Variants in PTPRK observed in about 807,000 individuals in gnomAD.
PTPRK encodes the protein protein tyrosine phosphatase receptor type K.
In PTPRK, 75 loss-of-function variants were observed where a neutral mutation model predicts 178.0. That is an observed-to-expected ratio of 0.42 (90% confidence interval 0.35 to 0.51). PTPRK has a LOEUF of 0.51. Ranked by LOEUF, PTPRK falls within the 20% of genes least tolerant of loss-of-function variation. PTPRK has a pLI of 0.02. For missense variants in PTPRK, 1,441 were observed against 1,797.8 expected (o/e 0.80, Z 3.59); for synonymous variants, 637 against 620.6 (o/e 1.03, Z -0.39).
chr6:128,046,426 T>C (rs973975723), intron 13 of PTPRK, among the ~76,000 whole-genome samples: 2 of 152,084 alleles, frequency 1.3e-5, no homozygotes, highest in African/African-American at 4.8e-5. Context: ...GCTAGCAGCT[T>C]TCCCCAGGCT....
At chr6:128,380,996 A>T (rs1483659241) in intron 2 of PTPRK, among the ~76,000 whole-genome samples, 2 of 152,216 alleles carry the variant, frequency 1.3e-5, no homozygotes, top group Non-Finnish European at 2.9e-5. Context: ...AGACAGTTTT[A>T]AACCCATTTT....
chr6:128,278,160 T>TTTA (rs1384208181), intron 3 of PTPRK, among the ~76,000 whole-genome samples: 1 of 150,206 alleles, frequency 6.7e-6, no homozygotes, highest in Non-Finnish European at 1.5e-5. Context: ...TATTTATTTA[T>TTTA]TTATTTATTT....
intron 1 of PTPRK, among the ~76,000 whole-genome samples, chr6:128,464,666 T>C (rs1378621127): frequency 7.8e-6 from 1 of 127,888 alleles, no homozygotes; most frequent in African/African-American, 3.0e-5. Context: ...TATATATATA[T>C]ATATATATAC....
intron 2 of PTPRK, among the ~76,000 whole-genome samples, chr6:128,338,345 A>G (rs1473424745): frequency 6.6e-6 from 1 of 152,182 alleles, no homozygotes; most frequent in Non-Finnish European, 1.5e-5. Context: ...TGCATAACAT[A>G]TACAAGAGAC....
At chr6:127,996,602 A>G (rs7749132) in intron 17 of PTPRK, among the ~76,000 whole-genome samples, 142,442 of 152,256 alleles carry the variant, frequency 0.94, 66,722 homozygotes, top group East Asian at 1. Flanking sequence ...ATCCTGATTA[A>G]CCAGGATTAC....
chr6:128,428,422 A>G (rs1844433942), intron 1 of PTPRK, among the ~76,000 whole-genome samples: 1 of 152,192 alleles, frequency 6.6e-6, no homozygotes, highest in Non-Finnish European at 1.5e-5. Flanking sequence ...TATTAAATGT[A>G]GACACTGTTC....
intron 2 of PTPRK, among the ~76,000 whole-genome samples, chr6:128,324,781 G>A (rs992486689): frequency 4.9e-4 from 74 of 152,098 alleles, no homozygotes; most frequent in African/African-American, 1.7e-3. Flanking sequence ...TTGATATAAC[G>A]GCAATTTACC....
Position 127,970,122 on chromosome 6 carries a change from C to A in PTPRK, c.*105G>T. The A allele has an allele frequency of 2.5e-6, 2 of 784,656 alleles. No individual in the cohort carries two copies. Among genetic ancestry groups the A allele is most frequent in the Non-Finnish European group, 4.0e-6 (2 of 502,040 alleles). 48.6% of individuals were successfully genotyped at this position (784,656 alleles called of 1,614,324 possible). On this transcript the variant is annotated 3_prime_UTR_variant, in exon 30 of 30. Coordinates refer to ENST00000368226, the MANE Select transcript of PTPRK (RefSeq NM_002844.4). ...CCTCTCAAATGTAAAAGTCTCCCACCCCCCACATTAAAATCTTTCTGCACA... is the reference window on the plus strand; with the variant it reads ...CCTCTCAAATGTAAAAGTCTCCCACACCCCACATTAAAATCTTTCTGCACA...
intron 2 of PTPRK, among the ~76,000 whole-genome samples, chr6:128,323,474 TG>T (rs1562284072): frequency 6.6e-6 from 1 of 152,154 alleles, no homozygotes. Flanking sequence ...GAGTTGCACT[TG>T]ACCCTTTCTT....
At chr6:128,411,839 G>T (rs1210024880) in intron 1 of PTPRK, among the ~76,000 whole-genome samples, 1 of 152,094 alleles carries the variant, frequency 6.6e-6, no homozygotes, top group African/African-American at 2.4e-5. Context: ...TAATATTTTG[G>T]TTTATATTTA....
chr6:128,123,626 T>G (rs2114411799), intron 7 of PTPRK, among the ~76,000 whole-genome samples: 1 of 152,304 alleles, frequency 6.6e-6, no homozygotes, highest in East Asian at 1.9e-4. Flanking sequence ...CTAAACTCAT[T>G]TTATTCAGAC....
At chr6:128,010,572 G>A (rs1311630194) in intron 13 of PTPRK, among the ~76,000 whole-genome samples, 1 of 151,190 alleles carries the variant, frequency 6.6e-6, no homozygotes, top group South Asian at 2.1e-4. Flanking sequence ...GCCAAAAGGA[G>A]ACTGTTGAGG....
At chr6:128,158,513 C>G (rs1319533047) in intron 7 of PTPRK, among the ~76,000 whole-genome samples, 1 of 151,854 alleles carries the variant, frequency 6.6e-6, no homozygotes, top group Non-Finnish European at 1.5e-5. Flanking sequence ...GGAAAGGGAA[C>G]AAGACACACA....
In PTPRK at chr6:128,089,727, C is replaced by A; in HGVS notation, c.1428G>T (p.Lys476Asn). 6.2e-7 allele frequency: 1 copy of A among 1,613,194 alleles called. No individual in the cohort carries two copies. The highest frequency in any genetic ancestry group is 8.5e-7 in the Non-Finnish European group (1 of 1,179,132). The change falls in exon 8 of 30, where the codon AAG (lysine) becomes AAT (asparagine). Residue 476 changes from lysine (K) to asparagine (N), a missense_variant. This residue lies in a region of PTPRK where 945 missense variants were observed against 1,080.6 expected (regional missense o/e 0.87). Coordinates refer to ENST00000368226, the MANE Select transcript of PTPRK (RefSeq NM_002844.4). ...KMILTNPEGR[K>N]ESEETIIQTD... ...TTTGAATAATTGTCTCTTCACTCTCCTTCCTTCCCTCTGGATTGGTTAGGA... is the reference window on the plus strand; with the variant it reads ...TTTGAATAATTGTCTCTTCACTCTCATTCCTTCCCTCTGGATTGGTTAGGA...
intron 3 of PTPRK, among the ~76,000 whole-genome samples, chr6:128,271,013 G>T (rs1406869981): frequency 1.3e-5 from 2 of 152,048 alleles, no homozygotes; most frequent in Non-Finnish European, 2.9e-5. Flanking sequence ...GGGCAAGTAA[G>T]ATTTGTTTTA....
chr6:128,151,843 T>C (rs1160066494), intron 7 of PTPRK, among the ~76,000 whole-genome samples: 2 of 151,990 alleles, frequency 1.3e-5, no homozygotes, highest in Non-Finnish European at 2.9e-5. Flanking sequence ...AGGCAATTCT[T>C]TGAAACTTTC....
At chr6:128,183,465 G>A (rs1203462767) in intron 7 of PTPRK, among the ~76,000 whole-genome samples, 2 of 152,142 alleles carry the variant, frequency 1.3e-5, no homozygotes, top group Non-Finnish European at 2.9e-5. Flanking sequence ...TAATAGTTGA[G>A]AAGTTAAATT....
At chr6:128,223,046 T>G (rs1810689736) in intron 5 of PTPRK, among the ~76,000 whole-genome samples, 1 of 152,168 alleles carries the variant, frequency 6.6e-6, no homozygotes, top group South Asian at 2.1e-4. Flanking sequence ...AAAAACTTAT[T>G]AACTGACTTT....
intron 7 of PTPRK, among the ~76,000 whole-genome samples, chr6:128,179,185 G>T (rs1189563535): frequency 6.6e-6 from 1 of 151,882 alleles, no homozygotes; most frequent in African/African-American, 2.4e-5. Flanking sequence ...CTGTTTATAG[G>T]TCTGGTCCCT....
Sources: gnomAD v4.1 joint callset for allele counts (sites outside exome capture counted in the v4.1 genomes callset) on GRCh38, gnomAD v4.1.1 for gene constraint, gnomAD v4.1.1 regional missense constraint, MANE v1.5 for transcripts, NCBI Gene and HGNC (gene_info 2026-07-23, HGNC 2026-07-21) for gene names.